The following COG5 variants were observed in gnomAD, a reference collection of about 807,000 sequenced individuals.
COG5 encodes the protein component of oligomeric golgi complex 5.
In COG5, 86 loss-of-function variants were observed where a neutral mutation model predicts 110.4. The ratio of observed to expected loss-of-function variants is 0.78; its 90% CI spans 0.65 to 0.93. COG5 has a LOEUF of 0.93. COG5 is among the 40% of genes least tolerant of loss of function. COG5 has a pLI of 0.00. For synonymous variants in COG5, 360 were observed against 334.6 expected, an observed-to-expected ratio of 1.08 and a Z score of -0.83; for missense variants, 1,077 against 987.0, an observed-to-expected ratio of 1.09 and a Z score of -1.22.
At chr7:107,540,127 C>T (rs1257732405) in intron 5 of COG5, among the ~76,000 whole-genome samples, 2 of 152,132 alleles carry the variant, frequency 1.3e-5, no homozygotes, top group Admixed American at 1.3e-4. Context: ...AGAAAAATAG[C>T]TTCCAGTCTT....
chr7:107,524,926 G>T (rs1800617056), intron 6 of COG5, among the ~76,000 whole-genome samples: 1 of 151,744 alleles, frequency 6.6e-6, no homozygotes, highest in African/African-American at 2.4e-5. Flanking sequence ...TTTTTGTGGG[G>T]TTTTTTGTTT....
At chr7:107,510,071 G>C (rs1480576429) in intron 6 of COG5, among the ~76,000 whole-genome samples, 3 of 151,722 alleles carry the variant, frequency 2.0e-5, no homozygotes, top group Non-Finnish European at 4.4e-5. Flanking sequence ...AATGTAAATG[G>C]GCTAAATGCT....
chr7:107,233,662 G>GT (rs1443191987), intron 18 of COG5, among the ~76,000 whole-genome samples: 4 of 152,126 alleles, frequency 2.6e-5, no homozygotes, highest in African/African-American at 9.7e-5. Flanking sequence ...CACAAGAACA[G>GT]TTTTTAAACC....
chr7:107,205,406 C>G (rs1381940722), intron 21 of COG5, among the ~76,000 whole-genome samples: 1 of 152,206 alleles, frequency 6.6e-6, no homozygotes, highest in African/African-American at 2.4e-5. Context: ...TAAAAAGACC[C>G]TCAAATCATT....
At chr7:107,508,102 A>G (rs1192623330) in intron 6 of COG5, among the ~76,000 whole-genome samples, 1 of 152,252 alleles carries the variant, frequency 6.6e-6, no homozygotes, top group African/African-American at 2.4e-5. Flanking sequence ...CGGGAAGAGC[A>G]AGGGGTCAGG....
intron 8 of COG5, among the ~76,000 whole-genome samples, chr7:107,365,737 G>C (rs1006395673): frequency 6.6e-6 from 1 of 151,312 alleles, no homozygotes; most frequent in Non-Finnish European, 1.5e-5. Context: ...AAAATACTGA[G>C]AATGCTAGGA....
chr7:107,542,564 T>TA (rs1423203891), intron 5 of COG5, among the ~76,000 whole-genome samples: 1 of 152,194 alleles, frequency 6.6e-6, no homozygotes, highest in Non-Finnish European at 1.5e-5. Context: ...CATATATTTG[T>TA]AAAAAAGTTT....
At chr7:107,210,436 C>G in intron 21 of COG5, 90 bp downstream of exon 21, 1 of 1,535,254 alleles carries the variant, frequency 6.5e-7, no homozygotes, top group Non-Finnish European at 8.8e-7. Flanking sequence ...ATGTCCATGC[C>G]CCCAGGCACT....
intron 18 of COG5, among the ~76,000 whole-genome samples, chr7:107,231,664 A>T (rs935142227): frequency 6.6e-6 from 1 of 152,128 alleles, no homozygotes; most frequent in African/African-American, 2.4e-5. Flanking sequence ...CCTGCTGGCC[A>T]CCCTTACAAA....
intron 21 of COG5, among the ~76,000 whole-genome samples, chr7:107,206,709 A>G (rs1433361160): frequency 6.6e-6 from 1 of 151,902 alleles, no homozygotes; most frequent in Non-Finnish European, 1.5e-5. Context: ...AAAGGATAAG[A>G]CATCACGTAA....
At chr7:107,223,088 C>T (rs1024716357) in intron 19 of COG5, among the ~76,000 whole-genome samples, 3 of 152,150 alleles carry the variant, frequency 2.0e-5, no homozygotes, top group Non-Finnish European at 4.4e-5. Flanking sequence ...ATGCCACTTG[C>T]CATCACCCCA....
intron 19 of COG5, among the ~76,000 whole-genome samples, chr7:107,216,778 A>G (rs990523419): frequency 6.6e-6 from 1 of 152,184 alleles, no homozygotes; most frequent in African/African-American, 2.4e-5. Flanking sequence ...TTATAGCAAC[A>G]AATACTTAAA....
At chr7:107,381,864 T>A (rs1815150595) in intron 7 of COG5, among the ~76,000 whole-genome samples, 1 of 152,218 alleles carries the variant, frequency 6.6e-6, no homozygotes, top group Non-Finnish European at 1.5e-5. Context: ...CCTTTATTAA[T>A]TGGGTAAGGT....
chr7:107,556,515 T>C (rs540350891), intron 2 of COG5, among the ~76,000 whole-genome samples: 14 of 152,226 alleles, frequency 9.2e-5, no homozygotes, highest in African/African-American at 3.1e-4. Flanking sequence ...ATACCAAGCA[T>C]AAAAGGACTA....
At chr7:107,364,282 C>G (rs1241349690) in intron 8 of COG5, among the ~76,000 whole-genome samples, 1 of 151,668 alleles carries the variant, frequency 6.6e-6, no homozygotes, top group Admixed American at 6.6e-5. Flanking sequence ...ATGCCATTAA[C>G]AACAACAACA....
chr7:107,431,927 G>A (rs1794051957), intron 6 of COG5, among the ~76,000 whole-genome samples: 1 of 152,136 alleles, frequency 6.6e-6, no homozygotes, highest in African/African-American at 2.4e-5. Flanking sequence ...AAAGTGCTAA[G>A]ATTAAAGGTA....
At chr7:107,208,890 T>C in intron 21 of COG5, 1 of 985,420 alleles carries the variant, frequency 1.0e-6, no homozygotes, top group African/African-American at 1.7e-5. Context: ...CAGTCTTTCA[T>C]CCTAACTGAA....
intron 6 of COG5, among the ~76,000 whole-genome samples, chr7:107,457,694 T>A (rs1178682289): frequency 6.6e-6 from 1 of 152,106 alleles, no homozygotes; most frequent in Non-Finnish European, 1.5e-5. Context: ...CCTCCCAAAG[T>A]GCTGGGATTA....
chr7:107,270,014 T>A (rs1015940037), intron 14 of COG5, among the ~76,000 whole-genome samples: 3 of 152,222 alleles, frequency 2.0e-5, no homozygotes, highest in African/African-American at 7.2e-5. Flanking sequence ...TATCACTTTA[T>A]GGCGGTATAA....
Sources: gnomAD v4.1 joint callset for allele counts (sites outside exome capture counted in the v4.1 genomes callset) on GRCh38, gnomAD v4.1.1 for gene constraint, MANE v1.5 for transcripts, NCBI Gene and HGNC (gene_info 2026-07-23, HGNC 2026-07-21) for gene names.